The following SLX9 variants were observed in gnomAD, a reference collection of about 807,000 sequenced individuals.
SLX9 encodes the protein SLX9 ribosome biogenesis factor, also known as ribosome biogenesis protein SLX9 homolog.
Under a neutral mutation model 20.8 loss-of-function variants are expected in SLX9, and 19 were observed. The observed-to-expected ratio is 0.91, with a 90% CI of 0.64 to 1.34. The LOEUF is 1.34. Ranked by LOEUF, SLX9 falls within the 40% of genes most tolerant of loss-of-function variation. The probability of loss-of-function intolerance (pLI) is 0.00; values close to 1 mark genes in which losing one functional copy is unlikely to be tolerated. For synonymous variants in SLX9, 113 were observed against 137.1 expected (o/e 0.82, Z 1.23); for missense variants, 299 against 322.2 (o/e 0.93, Z 0.55).
At chr21:44,956,916 C>T (rs138656687) in intron 2 of SLX9, among the ~76,000 whole-genome samples, 2 of 152,230 alleles carry the variant, frequency 1.3e-5, no homozygotes, top group Admixed American at 6.5e-5. Context: ...TTTGTTAGAG[C>T]GCAAGAGCCC....
chr21:44,975,028 T>G (rs1208612338), intron 5 of SLX9, among the ~76,000 whole-genome samples: 1 of 152,170 alleles, frequency 6.6e-6, no homozygotes, highest in Non-Finnish European at 1.5e-5. Context: ...AAAGATGGAG[T>G]TTGGTTTCTC....
At chr21:44,968,503 C>T (rs1437594478) in intron 4 of SLX9, among the ~76,000 whole-genome samples, 1 of 152,228 alleles carries the variant, frequency 6.6e-6, no homozygotes, top group Non-Finnish European at 1.5e-5. Context: ...TAAGCTGCTG[C>T]CTGTGGCGCC....
chr21:44,966,301 G>GC (rs2085032848), intron 3 of SLX9, among the ~76,000 whole-genome samples: 1 of 152,102 alleles, frequency 6.6e-6, no homozygotes. Context: ...GGTCTGCCAT[G>GC]CCCGGGCCTG....
At chr21:44,968,486 C>T (rs1345364355) in intron 4 of SLX9, among the ~76,000 whole-genome samples, 3 of 152,244 alleles carry the variant, frequency 2.0e-5, no homozygotes, top group Non-Finnish European at 4.4e-5. Context: ...GGGATGCAGC[C>T]TGCTGATAAG....
intron 2 of SLX9, among the ~76,000 whole-genome samples, chr21:44,959,640 G>C (rs888452833): frequency 6.6e-6 from 1 of 152,248 alleles, no homozygotes; most frequent in Non-Finnish European, 1.5e-5. Flanking sequence ...TGTCGGGCCT[G>C]GCAGGGGGCA....
chr21:44,942,703 G>C (rs1443800389), intron 1 of SLX9, among the ~76,000 whole-genome samples: 1 of 152,192 alleles, frequency 6.6e-6, no homozygotes, highest in African/African-American at 2.4e-5. Context: ...ATGAAGACAA[G>C]GAAGTGGGAG....
At chr21:44,968,258 G>T (rs1568944145) in intron 4 of SLX9, among the ~76,000 whole-genome samples, 1 of 151,236 alleles carries the variant, frequency 6.6e-6, no homozygotes, top group Non-Finnish European at 1.5e-5. Context: ...GCAACCCCCA[G>T]TGACACAACC....
intron 5 of SLX9, among the ~76,000 whole-genome samples, chr21:44,975,356 A>G (rs567998499): frequency 5.3e-5 from 8 of 152,308 alleles, no homozygotes; most frequent in South Asian, 4.1e-4. Context: ...GGCCCCGTCT[A>G]TGGGTCTCTG....
intron 4 of SLX9, among the ~76,000 whole-genome samples, chr21:44,972,892 A>G (rs892146864): frequency 1.3e-4 from 10 of 75,954 alleles, no homozygotes; most frequent in Non-Finnish European, 2.8e-4. Flanking sequence ...TGTCCCATGG[A>G]GCCAGGAGGA....
intron 1 of SLX9, among the ~76,000 whole-genome samples, chr21:44,940,425 G>A (rs938521271): frequency 5.3e-5 from 8 of 152,368 alleles, no homozygotes; most frequent in African/African-American, 1.9e-4. Context: ...GAGAGAGCCA[G>A]GAACCTCCCG....
At chr21:44,964,388 C>T (rs1489982180) in intron 3 of SLX9, among the ~76,000 whole-genome samples, 2 of 152,064 alleles carry the variant, frequency 1.3e-5, no homozygotes, top group South Asian at 2.1e-4. Context: ...TGGATCTGCA[C>T]GCGCCACCCC....
At chr21:44,975,782 G>A (rs975546740) in intron 5 of SLX9, among the ~76,000 whole-genome samples, 4 of 152,234 alleles carry the variant, frequency 2.6e-5, no homozygotes, top group African/African-American at 4.8e-5. Flanking sequence ...GTGGTGGTTA[G>A]TGACCAGCAG....
At chr21:44,970,142 A>G (rs955378235) in intron 4 of SLX9, among the ~76,000 whole-genome samples, 1 of 152,152 alleles carries the variant, frequency 6.6e-6, no homozygotes, top group Non-Finnish European at 1.5e-5. Flanking sequence ...GTCGCTCTGC[A>G]GCCCTGGCCT....
intron 4 of SLX9, among the ~76,000 whole-genome samples, chr21:44,972,664 G>A (rs901701309): frequency 6.6e-6 from 1 of 152,248 alleles, no homozygotes; most frequent in Non-Finnish European, 1.5e-5. Context: ...AGCACAGCGT[G>A]CGCCTTCTTC....
intron 2 of SLX9, 134 bp downstream of exon 2, chr21:44,943,971 T>C: frequency 7.7e-7 from 1 of 1,296,108 alleles, no homozygotes; most frequent in South Asian, 1.4e-5. Flanking sequence ...TGCCCCTGGC[T>C]GTTTCTTGGG....
intron 4 of SLX9, among the ~76,000 whole-genome samples, chr21:44,967,590 T>A (rs948785810): frequency 6.6e-6 from 1 of 152,170 alleles, no homozygotes; most frequent in Non-Finnish European, 1.5e-5. Context: ...CATGCTCTTC[T>A]CGTGCCTCTG....
In SLX9 at chr21:44,973,210, A is replaced by G; in HGVS notation, c.514A>G (p.Lys172Glu). The change falls in exon 5 of 6, where the codon AAG (lysine) becomes GAG (glutamate). Residue 172 changes from lysine (K) to glutamate (E), a missense_variant. Transcript: ENST00000291634. ...CTGTGTCCACAGCAGGGAGAGCAAC[A>G]AGCCCCGGCCCTCAGAGCTCAGCCG... is the stretch of plus-strand genomic sequence containing the variant. ...RRQARSRESNKPRPSELSRMS... is the reference protein window; with the variant it reads ...RRQARSRESNEPRPSELSRMS... 2 of 1,613,004 alleles carry G rather than the reference A, an allele frequency of 1.2e-6. No individual in the cohort carries two copies. Among genetic ancestry groups the G allele is most frequent in the East Asian group, 2.2e-5 (1 of 44,898 alleles).
At chr21:44,949,907 G>T (rs1281901079) in intron 2 of SLX9, among the ~76,000 whole-genome samples, 9 of 152,158 alleles carry the variant, frequency 5.9e-5, no homozygotes, top group Admixed American at 5.9e-4. Flanking sequence ...TGGCTTCCTG[G>T]CCGTCCCTCT....
chr21:44,964,994 G>A (rs749177826), intron 3 of SLX9, among the ~76,000 whole-genome samples: 19 of 152,162 alleles, frequency 1.2e-4, no homozygotes, highest in Non-Finnish European at 2.1e-4. Context: ...TCCACTGAGT[G>A]TTCATCAGCA....
Sources: allele counts gnomAD v4.1 joint callset (sites outside exome capture counted in the v4.1 genomes callset), GRCh38; gene constraint gnomAD v4.1.1; transcripts MANE v1.5; gene names NCBI Gene and HGNC (gene_info 2026-07-23, HGNC 2026-07-21).